The following PDE10A variants were observed in gnomAD, a reference collection of about 807,000 sequenced individuals.
The protein encoded by PDE10A is cAMP and cAMP-inhibited cGMP 3',5'-cyclic phosphodiesterase 10A.
A neutral mutation model predicts 97.7 loss-of-function variants in PDE10A; 39 were observed. That is an observed-to-expected ratio of 0.40 (90% confidence interval 0.31 to 0.52). The LOEUF (loss-of-function observed/expected upper bound fraction) is 0.52. Ranked by LOEUF, PDE10A falls within the 20% of genes least tolerant of loss-of-function variation. The pLI is 0.56. For synonymous variants in PDE10A, 371 were observed against 376.8 expected (o/e 0.98, Z 0.18); for missense variants, 731 against 1,047.8 (o/e 0.70, Z 4.17).
At chr6:165,776,727 CAG>C (rs1778196136) in intron 1 of PDE10A, among the ~76,000 whole-genome samples, 1 of 152,298 alleles carries the variant, frequency 6.6e-6, no homozygotes, top group African/African-American at 2.4e-5. Flanking sequence ...TCAGCCCTGA[CAG>C]AAATCAAGGA....
intron 13 of PDE10A, among the ~76,000 whole-genome samples, chr6:165,400,899 C>T (rs115079822): frequency 1.8e-3 from 273 of 152,242 alleles, no homozygotes; most frequent in African/African-American, 6.1e-3. Context: ...TAACTGTTTA[C>T]GTACACAACA....
At chr6:165,407,023 T>C (rs1458971591) in intron 13 of PDE10A, among the ~76,000 whole-genome samples, 3 of 152,126 alleles carry the variant, frequency 2.0e-5, no homozygotes, top group African/African-American at 7.2e-5. Context: ...CTGGCTTTCC[T>C]GGTTCTCCAG....
chr6:165,433,934 G>A (rs1023499264), intron 6 of PDE10A, among the ~76,000 whole-genome samples: 74 of 148,136 alleles, frequency 5.0e-4, no homozygotes, highest in African/African-American at 1.7e-3. Flanking sequence ...GGAGAATGGC[G>A]TGAACCCGGG....
At chr6:165,814,870 G>T (rs904804349) in intron 1 of PDE10A, among the ~76,000 whole-genome samples, 1 of 151,932 alleles carries the variant, frequency 6.6e-6, no homozygotes, top group Non-Finnish European at 1.5e-5. Context: ...CCGTTCCTCT[G>T]CTTGTGCCTC....
intron 1 of PDE10A, among the ~76,000 whole-genome samples, chr6:165,720,414 G>A (rs1197184589): frequency 6.6e-6 from 1 of 152,158 alleles, no homozygotes; most frequent in Non-Finnish European, 1.5e-5. Context: ...GCTGAGAGCG[G>A]AATGGGCTGC....
At position 165,388,590 on chromosome 6, in the gene PDE10A, T is replaced by C. The variant is rs1288204658; in HGVS notation, c.2455-137A>G. 10 of 742,042 alleles carry C rather than the reference T, an allele frequency of 1.3e-5. No homozygotes were observed. The highest frequency in any genetic ancestry group is 4.6e-5 in the Admixed American group (2 of 43,766). The allele number at this position is 742,042 out of a possible 1,614,324, so 46.0% of individuals were successfully genotyped here. On this transcript the variant is annotated intron_variant, in intron 16 of 21. Coordinates refer to ENST00000539869, the MANE Select transcript of PDE10A (RefSeq NM_001385079.1). This position sits in a 1 kb window ranked among gnomAD's most constrained non-coding sequence, Gnocchi z 4.0. ...CAGCATTCTGGCATAAAGAATCCTA[T>C]ACAAATAGAGCAAACCCTTAGGAAT...
In PDE10A at chr6:165,924,487, GT is replaced by G. The variant is rs575635317; in HGVS notation, c.-615+63041del. ...GTGGATAGAAGATCTCTCTCTGTGT[GT>G]ACCATTCATGGTCTCCATGTTGCAT... On this transcript the variant is annotated intron_variant, in intron 1 of 19. Transcript: ENST00000366882. Among the ~76,000 whole-genome samples, 37 of 152,208 alleles carry G rather than the reference GT, an allele frequency of 2.4e-4. No homozygotes were observed. In the East Asian group the frequency reaches 7.2e-3, roughly 29 times the overall value.
intron 1 of PDE10A, among the ~76,000 whole-genome samples, chr6:165,957,943 G>A (rs1476533706): frequency 1.3e-5 from 2 of 152,142 alleles, no homozygotes; most frequent in African/African-American, 4.8e-5. Flanking sequence ...ACACCTCTCA[G>A]GGCTGGAGAG....
At chr6:165,799,541 T>G (rs552860189) in intron 1 of PDE10A, among the ~76,000 whole-genome samples, 3 of 152,312 alleles carry the variant, frequency 2.0e-5, no homozygotes, top group African/African-American at 7.2e-5. Flanking sequence ...TGGATTCGAT[T>G]GTATCTCGGG....
At chr6:165,959,275 G>A (rs564609089) in intron 1 of PDE10A, among the ~76,000 whole-genome samples, 7 of 152,238 alleles carry the variant, frequency 4.6e-5, no homozygotes, top group South Asian at 4.2e-4. Context: ...AGCAAGAGGC[G>A]ATTTCCTCTT....
At chr6:165,626,763 G>A (rs962949867) in intron 1 of PDE10A, among the ~76,000 whole-genome samples, 1 of 151,778 alleles carries the variant, frequency 6.6e-6, no homozygotes, top group African/African-American at 2.4e-5. Context: ...GTGGGGCGGC[G>A]GGGGGAAGTT....
At chr6:165,742,619 G>A (rs1278538527) in intron 1 of PDE10A, among the ~76,000 whole-genome samples, 2 of 152,134 alleles carry the variant, frequency 1.3e-5, no homozygotes, top group Admixed American at 1.3e-4. Flanking sequence ...GGAATCGAGT[G>A]TATCTAATGA....
At chr6:165,934,134 C>T (rs1351823963) in intron 1 of PDE10A, among the ~76,000 whole-genome samples, 3 of 151,486 alleles carry the variant, frequency 2.0e-5, no homozygotes, top group African/African-American at 4.9e-5. Flanking sequence ...CAGGCATGCA[C>T]CACCATGCCT....
rs866704998 is a variant in PDE10A at position 165,390,001 on chromosome 6, C to T, written c.2455-1548G>A. Among the ~76,000 whole-genome samples the T allele has an allele frequency of 2.0e-5, 3 of 152,140 alleles. No individual in the cohort carries two copies. The East Asian group carries it at 5.8e-4, about 29-fold the overall frequency. Reference sequence around the variant, plus strand: ...GGAATTCAGGTTATGCCAAACATTGCTTGAAAAGACTGAAGTGTTTAAAGA... The same window carrying T: ...GGAATTCAGGTTATGCCAAACATTGTTTGAAAAGACTGAAGTGTTTAAAGA... On this transcript the variant is annotated intron_variant, in intron 16 of 21. Transcript: ENST00000539869.
intron 1 of PDE10A, among the ~76,000 whole-genome samples, chr6:165,852,439 A>G (rs114232128): frequency 2.0e-3 from 311 of 152,342 alleles, no homozygotes; most frequent in African/African-American, 7.2e-3. Flanking sequence ...TTGAAGCCCA[A>G]AGTGAACATT....
At chr6:165,443,964 C>A (rs1172045929) in intron 5 of PDE10A, among the ~76,000 whole-genome samples, 3 of 152,208 alleles carry the variant, frequency 2.0e-5, no homozygotes, top group Non-Finnish European at 4.4e-5. Context: ...CAAATTTCTG[C>A]AGCCAGTGGC....
intron 18 of PDE10A, among the ~76,000 whole-genome samples, chr6:165,353,322 T>C (rs1384226000): frequency 2.0e-5 from 3 of 152,212 alleles, no homozygotes; most frequent in Non-Finnish European, 4.4e-5. Context: ...TTCATAAGTA[T>C]TTCATACAGT....
Position 165,572,814 on chromosome 6 carries a change from G to A in PDE10A, c.866-29246C>T, listed in dbSNP as rs141190808. 1.6e-4 allele frequency among the ~76,000 whole-genome samples: 25 copies of A among 152,296 alleles called. No homozygotes were observed. The East Asian group carries it at 4.4e-3, about 27-fold the overall frequency. ...ATCGTGCCACTGCACTCCAGCGTGGGCGACAGAATGAGACCCTGTCTCAAA... is the reference window on the plus strand; with the variant it reads ...ATCGTGCCACTGCACTCCAGCGTGGACGACAGAATGAGACCCTGTCTCAAA... On this transcript the variant is annotated intron_variant, in intron 1 of 21. Transcript: ENST00000539869.
At chr6:165,946,557 T>C (rs755414747) in intron 1 of PDE10A, among the ~76,000 whole-genome samples, 1 of 149,184 alleles carries the variant, frequency 6.7e-6, no homozygotes, top group Admixed American at 6.7e-5. Context: ...TCTTAAAAAA[T>C]GCTAAGAGTA....
Sources: allele counts gnomAD v4.1 joint callset (sites outside exome capture counted in the v4.1 genomes callset), GRCh38; gene constraint gnomAD v4.1.1; non-coding constraint Gnocchi (gnomAD v3.1); transcripts MANE v1.5; gene names NCBI Gene and HGNC (gene_info 2026-07-23, HGNC 2026-07-21).